FNDC3A: variants seen among roughly 807,000 people sequenced by gnomAD.
FNDC3A encodes fibronectin type III domain containing 3A.
In FNDC3A, 32 loss-of-function variants were observed where a neutral mutation model predicts 148.9. The ratio of observed to expected loss-of-function variants is 0.21; its 90% CI spans 0.16 to 0.29. The LOEUF is 0.29. Among genes scored for constraint, FNDC3A ranks in the 10% least tolerant of loss-of-function variants. The pLI is 1.00. For synonymous variants in FNDC3A, 472 were observed against 473.6 expected (o/e 1.00, Z 0.04); for missense variants, 1,191 against 1,452.8 (o/e 0.82, Z 2.93).
intron 2 of FNDC3A, among the ~76,000 whole-genome samples, chr13:49,062,213 T>C (rs1876948157): frequency 6.6e-6 from 1 of 151,582 alleles, no homozygotes. Context: ...CCAAAAAGAG[T>C]GAGAGTGAGC....
rs914051241 is a variant in FNDC3A at position 48,999,608 on chromosome 13, G to A, written c.-39-6544G>A. On this transcript the variant is annotated intron_variant, in intron 1 of 25. Coordinates refer to ENST00000492622, the MANE Select transcript of FNDC3A (RefSeq NM_001079673.2). The stretch of plus-strand genomic sequence containing the variant: ...CATGAATTTTGGAAGGTCAGGGGCC[G>A]AATATTATAGACTGAATATTAGTGT... Among the ~76,000 whole-genome samples the A allele has an allele frequency of 2.6e-5, 4 of 152,068 alleles. No individual in the cohort carries two copies. The South Asian group carries it at 6.2e-4, about 24-fold the overall frequency.
intron 3 of FNDC3A, among the ~76,000 whole-genome samples, chr13:49,106,773 C>CAAAAAAA (rs543962565): frequency 7.0e-4 from 56 of 79,818 alleles, no homozygotes; most frequent in African/African-American, 8.9e-4. Context: ...TGAATGAAAG[C>CAAAAAAA]AAAAAAAAAA....
At position 49,191,190 on chromosome 13, in the gene FNDC3A, T is replaced by G. The variant is rs747588846; in HGVS notation, c.2051-19T>G. The G allele has an allele frequency of 2.6e-5, 42 of 1,605,666 alleles. No homozygotes were observed. The highest frequency in any genetic ancestry group is 4.0e-5 in the African/African-American group (3 of 74,490). On this transcript the variant is annotated intron_variant, in intron 18 of 25. Transcript: ENST00000492622. ...AAGTATTCGTCTTGTTAAATTGCATTAATCTTTCCATCTTTTAGGACCCCC... is the reference window on the plus strand; with the variant it reads ...AAGTATTCGTCTTGTTAAATTGCATGAATCTTTCCATCTTTTAGGACCCCC...
At chr13:49,149,368 A>G (rs1456170345) in intron 8 of FNDC3A, among the ~76,000 whole-genome samples, 2 of 152,068 alleles carry the variant, frequency 1.3e-5, no homozygotes, top group African/African-American at 4.8e-5. Context: ...ATGTTGAGGT[A>G]TGTCCCTTTA....
intron 2 of FNDC3A, among the ~76,000 whole-genome samples, chr13:49,027,145 T>C (rs1224869656): frequency 1.3e-5 from 2 of 152,200 alleles, no homozygotes; most frequent in Admixed American, 6.5e-5. Context: ...AGTTAGCCAG[T>C]TGACACACTG....
chr13:49,001,243 A>C (rs1952120045), intron 1 of FNDC3A, among the ~76,000 whole-genome samples: 1 of 152,168 alleles, frequency 6.6e-6, no homozygotes, highest in African/African-American at 2.4e-5. Context: ...GATTTCATAG[A>C]CACTTATCAC....
Position 49,013,334 on chromosome 13 carries a change from GATA to G in FNDC3A, c.99+7048_99+7050del, listed in dbSNP as rs376121227. 3.0e-3 allele frequency among the ~76,000 whole-genome samples: 454 copies of G among 151,956 alleles called. 3 individuals are homozygous for G. Among genetic ancestry groups the G allele is most frequent in the South Asian group, 0.019 (91 of 4,808 alleles). ...AGTCTCATATTTTCAACATTTCTAA[GATA>G]ATGATATATTTTTCCTTCAAATTTT... On this transcript the variant is annotated intron_variant, in intron 2 of 25. Coordinates refer to ENST00000492622, the MANE Select transcript of FNDC3A (RefSeq NM_001079673.2).
chr13:49,021,002 AG>A (rs1183895095), intron 2 of FNDC3A, among the ~76,000 whole-genome samples: 1 of 152,168 alleles, frequency 6.6e-6, no homozygotes, highest in South Asian at 2.1e-4. Flanking sequence ...CAGAATAGTC[AG>A]GGTAGTGAAG....
At chr13:49,051,736 A>G (rs961116089) in intron 2 of FNDC3A, among the ~76,000 whole-genome samples, 1 of 152,230 alleles carries the variant, frequency 6.6e-6, no homozygotes, top group African/African-American at 2.4e-5. Flanking sequence ...AGGCTGGAGA[A>G]GTTTTCCTTG....
rs111400385 is a variant in FNDC3A at position 49,132,913 on chromosome 13, C to T, written c.490+1539C>T. Among the ~76,000 whole-genome samples the T allele has an allele frequency of 6.4e-3, 972 of 152,284 alleles. 6 individuals carry two copies. Among genetic ancestry groups the T allele is most frequent in the Non-Finnish European group, 0.01 (696 of 68,016 alleles). ...TCATTGTGTATTTGTATGGCTGTCT[C>T]CCTTATTTGACTATCAACTCCCTAA... is the stretch of plus-strand genomic sequence containing the variant. On this transcript the variant is annotated intron_variant, in intron 5 of 25. Coordinates refer to ENST00000492622, the MANE Select transcript of FNDC3A (RefSeq NM_001079673.2).
chr13:49,081,875 A>G (rs1405688812), intron 3 of FNDC3A, among the ~76,000 whole-genome samples: 1 of 152,118 alleles, frequency 6.6e-6, no homozygotes, highest in Non-Finnish European at 1.5e-5. Context: ...AAATTTGATC[A>G]TCAGACCGTT....
intron 2 of FNDC3A, among the ~76,000 whole-genome samples, chr13:49,013,932 A>AT (rs1157187786): frequency 6.6e-6 from 1 of 151,574 alleles, no homozygotes; most frequent in African/African-American, 2.4e-5. Context: ...TGAACTCATC[A>AT]TTTTTTATAG....
chr13:49,079,253 A>G (rs1244348717), intron 3 of FNDC3A, among the ~76,000 whole-genome samples: 3 of 152,232 alleles, frequency 2.0e-5, no homozygotes, highest in African/African-American at 7.2e-5. Flanking sequence ...CTACTGAGGT[A>G]TACTGTGCTA....
At chr13:49,061,094 T>A (rs1876650822) in intron 2 of FNDC3A, among the ~76,000 whole-genome samples, 1 of 151,800 alleles carries the variant, frequency 6.6e-6, no homozygotes, top group Admixed American at 6.6e-5. Context: ...TAAAAAAAAA[T>A]TAAAATTGAA....
At chr13:49,045,857 C>T in intron 2 of FNDC3A, 1 of 322,294 alleles carries the variant, frequency 3.1e-6, no homozygotes, top group Non-Finnish European at 5.6e-6. Context: ...AAACTGGAGG[C>T]TGTTTCTTAC....
Position 49,207,899 on chromosome 13 carries a change from TATG to T in FNDC3A, c.*509_*511del, listed in dbSNP as rs1178215375. 1 of 152,760 alleles carries T rather than the reference TATG, an allele frequency of 6.5e-6. No homozygotes were observed. The highest frequency in any genetic ancestry group is 1.5e-5 in the Non-Finnish European group (1 of 68,140). 9.5% of individuals were successfully genotyped at this position (152,760 alleles called of 1,614,324 possible). A position where few individuals can be genotyped will look rare whatever the true frequency, so the allele number is the denominator to read the frequency against. On this transcript the variant is annotated 3_prime_UTR_variant, in exon 26 of 26. Coordinates refer to ENST00000492622, the MANE Select transcript of FNDC3A (RefSeq NM_001079673.2). ...GTCTTAATTATTTGGTAAGTGGGATTATGATGAGTAACTGGAGGGGCTTAGAAA... is the reference window on the plus strand; with the variant it reads ...GTCTTAATTATTTGGTAAGTGGGATTATGAGTAACTGGAGGGGCTTAGAAA...
chr13:49,014,946 C>T (rs1361432802), intron 2 of FNDC3A, among the ~76,000 whole-genome samples: 1 of 150,574 alleles, frequency 6.6e-6, no homozygotes, highest in Admixed American at 6.6e-5. Context: ...CTGTTCTGTT[C>T]CATTGATCTA....
chr13:49,082,431 T>C (rs1228473518), intron 3 of FNDC3A, among the ~76,000 whole-genome samples: 3 of 152,108 alleles, frequency 2.0e-5, no homozygotes, highest in Non-Finnish European at 4.4e-5. Flanking sequence ...GGAGTAAATA[T>C]AAAGTTCTAC....
intron 13 of FNDC3A, among the ~76,000 whole-genome samples, chr13:49,176,740 C>T (rs1485182304): frequency 1.3e-5 from 2 of 152,140 alleles, no homozygotes; most frequent in Non-Finnish European, 2.9e-5. Context: ...AGCTCATTTC[C>T]CAGTCCTTTG....
Sources: gnomAD v4.1 joint callset for allele counts (sites outside exome capture counted in the v4.1 genomes callset) on GRCh38, gnomAD v4.1.1 for gene constraint, MANE v1.5 for transcripts, NCBI Gene and HGNC (gene_info 2026-07-23, HGNC 2026-07-21) for gene names.